RPP14: variants seen among roughly 807,000 people sequenced by gnomAD.
RPP14 encodes the protein ribonuclease P/MRP subunit p14, also known as ribonuclease P protein subunit p14.
Under a neutral mutation model 17.8 loss-of-function variants are expected in RPP14, and 19 were observed. The observed-to-expected ratio is 1.07, with a 90% CI of 0.74 to 1.57. RPP14 has a LOEUF of 1.57. Among genes scored for constraint, RPP14 ranks in the 40% most tolerant of loss-of-function variants. The pLI, the probability that RPP14 is intolerant of heterozygous loss-of-function variation, is 0.00. For missense variants in RPP14, 125 were observed against 140.8 expected, an observed-to-expected ratio of 0.89 and a Z score of 0.57; for synonymous variants, 60 against 56.4, an observed-to-expected ratio of 1.06 and a Z score of -0.29.
chr3:58,310,979 A>T (rs13093235), intron 3 of RPP14, among the ~76,000 whole-genome samples: 45,259 of 150,668 alleles, frequency 0.3, 8,650 homozygotes, highest in East Asian at 0.81. Flanking sequence ...AAAAAAAAAA[A>T]AATAAATTAT....
At chr3:58,307,414 G>C (rs1420662071) in intron 1 of RPP14, among the ~76,000 whole-genome samples, 1 of 152,150 alleles carries the variant, frequency 6.6e-6, no homozygotes, top group South Asian at 2.1e-4. Context: ...GAGCATCCCT[G>C]CGCAGCCACT....
Position 58,317,778 on chromosome 3 carries a change from C to T in RPP14, c.*282C>T. ...CCTTCACACAGACTGATGTGGCTAC[C>T]TTCTCAGAATTAACAGGGGATGTCA... On this transcript the variant is annotated 3_prime_UTR_variant, in exon 6 of 6. Coordinates refer to ENST00000295959, the MANE Select transcript of RPP14 (RefSeq NM_007042.6). 1 of 703,134 alleles carries T rather than the reference C, an allele frequency of 1.4e-6. No homozygotes were observed. The highest frequency in any genetic ancestry group is 2.7e-5 in the East Asian group (1 of 37,294). 43.6% of individuals were successfully genotyped at this position (703,134 alleles called of 1,614,324 possible).
At chr3:58,315,518 A>C (rs79449191) in intron 3 of RPP14, among the ~76,000 whole-genome samples, 367 of 152,304 alleles carry the variant, frequency 2.4e-3, no homozygotes, top group African/African-American at 8.3e-3. Context: ...ACACAGGTAT[A>C]AATAGGAGTA....
chr3:58,313,246 G>A (rs1241635810), intron 3 of RPP14, among the ~76,000 whole-genome samples: 42 of 151,948 alleles, frequency 2.8e-4, no homozygotes, highest in African/African-American at 9.4e-4. Flanking sequence ...GCGACAGAGC[G>A]AGACTCGGTC....
intron 3 of RPP14, among the ~76,000 whole-genome samples, chr3:58,313,229 A>G (rs1456049822): frequency 6.6e-6 from 1 of 152,196 alleles, no homozygotes; most frequent in East Asian, 1.9e-4. Flanking sequence ...ACTGCACTCC[A>G]GCCTGGGCGA....
At chr3:58,310,884 A>G (rs1356014737) in intron 3 of RPP14, among the ~76,000 whole-genome samples, 8 of 151,154 alleles carry the variant, frequency 5.3e-5, no homozygotes, top group African/African-American at 1.9e-4. Context: ...GAGCCGAGAT[A>G]ACGCCACTGC....
intron 3 of RPP14, among the ~76,000 whole-genome samples, chr3:58,312,688 C>A (rs1050555965): frequency 6.6e-6 from 1 of 152,090 alleles, no homozygotes; most frequent in Admixed American, 6.6e-5. Context: ...GGGCCAGGCG[C>A]AGTGGCTCAC....
intron 3 of RPP14, among the ~76,000 whole-genome samples, chr3:58,312,687 G>A (rs1321918722): frequency 6.6e-6 from 1 of 152,060 alleles, no homozygotes. Flanking sequence ...TGGGCCAGGC[G>A]CAGTGGCTCA....
chr3:58,308,951 CAG>C (rs1298835009), intron 1 of RPP14, among the ~76,000 whole-genome samples: 8 of 152,212 alleles, frequency 5.3e-5, no homozygotes, highest in Non-Finnish European at 1.0e-4. Context: ...GAACTGTCTA[CAG>C]AGAGATGAGC....
rs770537330 is a variant in RPP14 at position 58,318,080 on chromosome 3, G to T, written c.*584G>T. 1 of 676,556 alleles carries T rather than the reference G, an allele frequency of 1.5e-6. No individual in the cohort carries two copies. Among genetic ancestry groups the T allele is most frequent in the South Asian group, 1.6e-5 (1 of 62,616 alleles). The allele number at this position is 676,556 out of a possible 1,614,324, so 41.9% of individuals were successfully genotyped here. A position where few individuals can be genotyped will look rare whatever the true frequency, so the allele number is the denominator to read the frequency against. On this transcript the variant is annotated 3_prime_UTR_variant, in exon 6 of 6. Coordinates refer to ENST00000295959, the MANE Select transcript of RPP14 (RefSeq NM_007042.6). ...GAAAGTAAAAAGACTGTTATGGAAG[G>T]CTGGGTTAAAGTTATGGTTCCAGAA...
Position 58,313,928 on chromosome 3 carries a change from C to T in RPP14, c.163-2587C>T, listed in dbSNP as rs138668652. Among the ~76,000 whole-genome samples, 507 of 152,270 alleles carry T rather than the reference C, an allele frequency of 3.3e-3. 2 individuals are homozygous for T. Among genetic ancestry groups the T allele is most frequent in the African/African-American group, 0.012 (489 of 41,556 alleles). ...TTGGCCTGGTGCAGTGGCTCATGCC[C>T]GTAATCCCAACACTTTGGGAAGCCA... is the stretch of plus-strand genomic sequence containing the variant. On this transcript the variant is annotated intron_variant, in intron 3 of 5. Transcript: ENST00000295959.
intron 3 of RPP14, among the ~76,000 whole-genome samples, chr3:58,314,810 A>G (rs2097486613): frequency 2.0e-5 from 3 of 149,646 alleles, no homozygotes; most frequent in African/African-American, 7.4e-5. Flanking sequence ...TCAGCCTCCC[A>G]AGTAGCTAGG....
At chr3:58,313,268 G>C (rs975765659) in intron 3 of RPP14, among the ~76,000 whole-genome samples, 1 of 152,024 alleles carries the variant, frequency 6.6e-6, no homozygotes, top group Non-Finnish European at 1.5e-5. Flanking sequence ...CAAAAAAAAG[G>C]CTCCTCATGA....
At position 58,319,184 on chromosome 3, in the gene RPP14, C is replaced by G. The variant is rs1449793423; in HGVS notation, c.*1688C>G. 2.0e-5 allele frequency: 3 copies of G among 152,176 alleles called. No homozygotes were observed. The highest frequency in any genetic ancestry group is 7.2e-5 in the African/African-American group (3 of 41,446). 9.4% of individuals were successfully genotyped at this position (152,176 alleles called of 1,614,324 possible). On this transcript the variant is annotated 3_prime_UTR_variant, in exon 6 of 6. Transcript: ENST00000295959. The stretch of plus-strand genomic sequence containing the variant: ...CCTTTTATCAATGAATATTTTTAGA[C>G]TGTTCTTCAGTATCTGAGTCAGAGT...
chr3:58,316,626 G>A (rs1338710283), intron 4 of RPP14, 35 bp downstream of exon 4: 1 of 1,566,998 alleles, frequency 6.4e-7, no homozygotes, highest in Non-Finnish European at 8.8e-7. Flanking sequence ...TAGTATAACA[G>A]GGCAGAGAGA....
chr3:58,317,912 T>C lies in RPP14; in HGVS notation c.*416T>C. The C allele has an allele frequency of 1.4e-6, 1 of 702,992 alleles. No individual in the cohort carries two copies. The highest frequency in any genetic ancestry group is 2.6e-6 in the Non-Finnish European group (1 of 384,964). 43.5% of individuals were successfully genotyped at this position (702,992 alleles called of 1,614,324 possible). A position where few individuals can be genotyped will look rare whatever the true frequency, so the allele number is the denominator to read the frequency against. ...ATCTCAGCTCTCCTAGGAACTAAAA[T>C]GCCAGGGCCAGGCTGTGTATTTCTT... On this transcript the variant is annotated 3_prime_UTR_variant, in exon 6 of 6. Coordinates refer to ENST00000295959, the MANE Select transcript of RPP14 (RefSeq NM_007042.6).
chr3:58,312,777 G>A (rs762495268), intron 3 of RPP14, among the ~76,000 whole-genome samples: 3 of 151,816 alleles, frequency 2.0e-5, no homozygotes, highest in Non-Finnish European at 4.4e-5. Flanking sequence ...CCTGGCCAAC[G>A]TGGTGAAACG....
At chr3:58,312,776 C>T (rs1257358258) in intron 3 of RPP14, among the ~76,000 whole-genome samples, 9 of 152,022 alleles carry the variant, frequency 5.9e-5, no homozygotes, top group Middle Eastern at 3.4e-3. Flanking sequence ...GCCTGGCCAA[C>T]GTGGTGAAAC....
rs1387634260 is a variant in RPP14, at chr3:58,319,809, C to T, written c.*2313C>T. The T allele has an allele frequency of 6.6e-6, 1 of 151,744 alleles. No homozygotes were observed. The highest frequency in any genetic ancestry group is 1.5e-5 in the Non-Finnish European group (1 of 67,944). The allele number at this position is 151,744 out of a possible 1,614,324, so 9.4% of individuals were successfully genotyped here. On this transcript the variant is annotated 3_prime_UTR_variant, in exon 6 of 6. Transcript: ENST00000295959. ...TTTGTTTCCCATTTTTTTTTGTTTCCCGTTTTTTAATAAAATTGAGATATA... is the reference window on the plus strand; with the variant it reads ...TTTGTTTCCCATTTTTTTTTGTTTCTCGTTTTTTAATAAAATTGAGATATA...
Sources: allele counts gnomAD v4.1 joint callset (sites outside exome capture counted in the v4.1 genomes callset), GRCh38; gene constraint gnomAD v4.1.1; transcripts MANE v1.5; gene names NCBI Gene and HGNC (gene_info 2026-07-23, HGNC 2026-07-21).